The following KAZN variants were observed in gnomAD, a reference collection of about 807,000 sequenced individuals.
KAZN encodes the protein kazrin.
Under a neutral mutation model 87.4 loss-of-function variants are expected in KAZN, and 40 were observed. The ratio of observed to expected loss-of-function variants is 0.46; its 90% CI spans 0.36 to 0.60. The LOEUF is 0.60. KAZN is among the 20% of genes least tolerant of loss of function. KAZN has a pLI of 0.00. For synonymous variants in KAZN, 466 were observed against 458.3 expected (o/e 1.02, Z -0.22); for missense variants, 898 against 1,073.9 (o/e 0.84, Z 2.29).
chr1:14,781,030 G>A (rs771202572), intron 1 of KAZN, among the ~76,000 whole-genome samples: 1 of 152,116 alleles, frequency 6.6e-6, no homozygotes, highest in Admixed American at 6.6e-5. Context: ...ACATTAAAAG[G>A]CAAGAAACTT....
At chr1:14,649,719 GA>G (rs1265123976) in intron 1 of KAZN, among the ~76,000 whole-genome samples, 1 of 152,214 alleles carries the variant, frequency 6.6e-6, no homozygotes, top group Admixed American at 6.5e-5. Flanking sequence ...AGAGTTAGGG[GA>G]AAAAATGCAG....
intron 2 of KAZN, among the ~76,000 whole-genome samples, chr1:14,311,743 A>T (rs1384296710): frequency 1.3e-5 from 2 of 152,020 alleles, no homozygotes; most frequent in Admixed American, 1.3e-4. Context: ...GATGGATGGA[A>T]GGATGAATGG....
intron 5 of KAZN, among the ~76,000 whole-genome samples, chr1:15,059,909 C>T (rs1407725149): frequency 6.6e-6 from 1 of 152,178 alleles, no homozygotes; most frequent in East Asian, 1.9e-4. Flanking sequence ...GACTTGAAAA[C>T]TTCCATGTCT....
chr1:14,954,798 T>C (rs545798801), intron 1 of KAZN, among the ~76,000 whole-genome samples: 27 of 152,014 alleles, frequency 1.8e-4, no homozygotes, highest in Non-Finnish European at 3.4e-4. Flanking sequence ...CTACTAAAAA[T>C]AGAAAAAATT....
chr1:13,936,052 C>T (rs1299329752), intron 1 of KAZN, among the ~76,000 whole-genome samples: 1 of 121,296 alleles, frequency 8.2e-6, no homozygotes, highest in African/African-American at 3.0e-5. Flanking sequence ...TTCTAGTTTC[C>T]TTTTTAAATT....
In KAZN at chr1:14,014,515, C is replaced by A. The variant is rs111794255; in HGVS notation, c.91+120759C>A. 4.0e-3 allele frequency among the ~76,000 whole-genome samples: 613 copies of A among 152,186 alleles called. 4 individuals carry two copies. Among genetic ancestry groups the A allele is most frequent in the African/African-American group, 0.014 (582 of 41,542 alleles). ...GCATAGAACAAGGGTCCACAAAGAA[C>A]AAGAGTCCCTTGGGTCAAATCCAGC... On this transcript the variant is annotated intron_variant, in intron 1 of 16. Coordinates refer to the KAZN transcript ENST00000636203.
intron 1 of KAZN, among the ~76,000 whole-genome samples, chr1:14,662,660 AGT>A (rs961457033): frequency 1.1e-4 from 17 of 149,794 alleles, no homozygotes; most frequent in Admixed American, 6.7e-4. Context: ...GGTGTGTGTG[AGT>A]GTGTGTGTGT....
At chr1:14,494,649 T>A (rs1669847823) in intron 2 of KAZN, among the ~76,000 whole-genome samples, 1 of 152,134 alleles carries the variant, frequency 6.6e-6, no homozygotes, top group Non-Finnish European at 1.5e-5. Context: ...TAATAGTCTA[T>A]CCCCACTGCC....
intron 1 of KAZN, among the ~76,000 whole-genome samples, chr1:14,775,204 G>A (rs1302761316): frequency 1.3e-5 from 2 of 152,204 alleles, no homozygotes; most frequent in South Asian, 2.1e-4. Context: ...GGGCCAAAGG[G>A]TTGGTTTTCT....
rs193287356 is a variant in KAZN at position 14,400,327 on chromosome 1, G to A, written c.250-198656G>A. 1.5e-3 allele frequency among the ~76,000 whole-genome samples: 223 copies of A among 152,214 alleles called. 5 individuals carry two copies. The highest frequency in any genetic ancestry group is 2.0e-3 in the Non-Finnish European group (139 of 68,020). The stretch of plus-strand genomic sequence containing the variant: ...AATTTAAAGCTTTATGGCACTTCTC[G>A]AATTTTTCAACTCTCATAAATCATA... On this transcript the variant is annotated intron_variant, in intron 2 of 16. Transcript: ENST00000636203.
chr1:14,044,600 T>C (rs925862426), intron 1 of KAZN, among the ~76,000 whole-genome samples: 6 of 152,192 alleles, frequency 3.9e-5, no homozygotes, highest in Non-Finnish European at 8.8e-5. Flanking sequence ...TTATTATTAT[T>C]ATCATTAAGA....
At chr1:14,223,662 TC>T (rs1647162286) in intron 2 of KAZN, among the ~76,000 whole-genome samples, 1 of 152,194 alleles carries the variant, frequency 6.6e-6, no homozygotes, top group South Asian at 2.1e-4. Context: ...TGACAAGAAA[TC>T]CTGCATAAAT....
At chr1:14,493,314 A>T (rs1278637877) in intron 2 of KAZN, among the ~76,000 whole-genome samples, 4 of 152,228 alleles carry the variant, frequency 2.6e-5, no homozygotes, top group Non-Finnish European at 4.4e-5. Context: ...TGCTGAAAGA[A>T]CGGAAGATGA....
chr1:14,615,559 G>C (rs1678167641), intron 1 of KAZN, among the ~76,000 whole-genome samples: 2 of 151,988 alleles, frequency 1.3e-5, no homozygotes, highest in South Asian at 4.1e-4. Flanking sequence ...CCGGGAGGCA[G>C]AGGCTGCAGT....
chr1:14,021,192 C>T (rs969653345), intron 1 of KAZN, among the ~76,000 whole-genome samples: 3 of 152,188 alleles, frequency 2.0e-5, no homozygotes, highest in East Asian at 1.9e-4. Context: ...GATGCCAGCA[C>T]ACCACTCCCC....
chr1:14,745,590 C>T (rs556746862), intron 1 of KAZN, among the ~76,000 whole-genome samples: 1 of 152,058 alleles, frequency 6.6e-6, no homozygotes, highest in South Asian at 2.1e-4. Context: ...GCATTGGGGA[C>T]CCACTGCTTC....
rs556734567 is a variant in KAZN at position 14,771,596 on chromosome 1, C to T, written c.226+172373C>T. ...ATCCCAGCACTTTGGGAGGCCAAGG[C>T]GGGCAAATCACCTGAGGTCATGAGT... On this transcript the variant is annotated intron_variant, in intron 1 of 14. Transcript: ENST00000376030. 1.9e-3 allele frequency among the ~76,000 whole-genome samples: 288 copies of T among 152,194 alleles called. 1 individual carries two copies. Among genetic ancestry groups the T allele is most frequent in the Middle Eastern group, 6.8e-3 (2 of 294 alleles).
chr1:14,461,778 T>C (rs17401833), intron 2 of KAZN, among the ~76,000 whole-genome samples: 37,265 of 151,792 alleles, frequency 0.25, 4,826 homozygotes, highest in Middle Eastern at 0.32. Flanking sequence ...TCCAGGTATA[T>C]CCAAAATTGT....
intron 2 of KAZN, among the ~76,000 whole-genome samples, chr1:14,581,492 T>C (rs1194006995): frequency 6.6e-6 from 1 of 152,210 alleles, no homozygotes; most frequent in African/African-American, 2.4e-5. Context: ...CATGGTTTCC[T>C]GCCTTCACTT....
Sources: gnomAD v4.1 joint callset for allele counts (sites outside exome capture counted in the v4.1 genomes callset) on GRCh38, gnomAD v4.1.1 for gene constraint, MANE v1.5 for transcripts, NCBI Gene and HGNC (gene_info 2026-07-23, HGNC 2026-07-21) for gene names.